The following TMTC2 variants were observed in gnomAD, a reference collection of about 807,000 sequenced individuals.
TMTC2 encodes the protein transmembrane O-mannosyltransferase targeting cadherins 2.
In TMTC2, 43 loss-of-function variants were observed where a neutral mutation model predicts 82.4. The observed-to-expected ratio is 0.52, with a 90% CI of 0.41 to 0.67. The LOEUF (loss-of-function observed/expected upper bound fraction) is 0.67. Ranked by LOEUF, TMTC2 falls within the 30% of genes least tolerant of loss-of-function variation. The probability of loss-of-function intolerance (pLI) is 0.00; values close to 1 mark genes in which losing one functional copy is unlikely to be tolerated. For missense variants in TMTC2, 919 were observed against 1,012.4 expected, an observed-to-expected ratio of 0.91 and a Z score of 1.25; for synonymous variants, 408 against 381.9, an observed-to-expected ratio of 1.07 and a Z score of -0.80.
intron 1 of TMTC2, among the ~76,000 whole-genome samples, chr12:82,834,000 A>G (rs1308341974): frequency 6.6e-6 from 1 of 152,236 alleles, no homozygotes; most frequent in Non-Finnish European, 1.5e-5. Context: ...TTAAGAAGTT[A>G]TAACTGTTTA....
chr12:82,958,206 T>C (rs1877715660), intron 4 of TMTC2, among the ~76,000 whole-genome samples: 1 of 151,460 alleles, frequency 6.6e-6, no homozygotes, highest in Admixed American at 6.6e-5. Flanking sequence ...CTACTAAAAA[T>C]CAAAAAGTTT....
intron 4 of TMTC2, among the ~76,000 whole-genome samples, chr12:82,940,348 T>C (rs1876644547): frequency 6.6e-6 from 1 of 152,148 alleles, no homozygotes. Context: ...TCTTTCAATT[T>C]TCAAGATTTA....
chr12:82,704,651 G>A (rs1008139464), intron 1 of TMTC2, among the ~76,000 whole-genome samples: 2 of 150,566 alleles, frequency 1.3e-5, no homozygotes, highest in Non-Finnish European at 1.5e-5. Flanking sequence ...TTTTTTTTTG[G>A]TAAAATAGTA....
At chr12:83,064,627 G>A (rs1383732822) in intron 11 of TMTC2, among the ~76,000 whole-genome samples, 1 of 151,756 alleles carries the variant, frequency 6.6e-6, no homozygotes, top group Admixed American at 6.6e-5. Context: ...ATACAACCAT[G>A]GCAATAATAT....
intron 1 of TMTC2, among the ~76,000 whole-genome samples, chr12:82,720,444 T>C (rs1256589145): frequency 6.6e-6 from 1 of 152,182 alleles, no homozygotes; most frequent in East Asian, 1.9e-4. Context: ...ATATTAAACA[T>C]TTTATATTAA....
At chr12:82,781,355 G>C (rs536078006) in intron 1 of TMTC2, among the ~76,000 whole-genome samples, 21 of 151,146 alleles carry the variant, frequency 1.4e-4, no homozygotes, top group African/African-American at 4.4e-4. Flanking sequence ...TTAAGAAAAG[G>C]GTTCTTTGTC....
At chr12:82,729,039 C>T (rs952687220) in intron 1 of TMTC2, among the ~76,000 whole-genome samples, 1 of 152,228 alleles carries the variant, frequency 6.6e-6, no homozygotes, top group Non-Finnish European at 1.5e-5. Flanking sequence ...GCCCGAGCCT[C>T]CCCGACGAGC....
intron 7 of TMTC2, among the ~76,000 whole-genome samples, chr12:82,967,803 C>G (rs1366588850): frequency 2.0e-5 from 3 of 152,014 alleles, no homozygotes; most frequent in Non-Finnish European, 4.4e-5. Context: ...ATTGTAAAGT[C>G]AAATTTTCCC....
chr12:82,739,423 C>T (rs549525985), intron 1 of TMTC2, among the ~76,000 whole-genome samples: 3 of 151,936 alleles, frequency 2.0e-5, no homozygotes, highest in South Asian at 2.1e-4. Context: ...TTCCTGTTTC[C>T]CACTGCCTGA....
At chr12:82,711,070 C>T (rs936808038) in intron 1 of TMTC2, among the ~76,000 whole-genome samples, 2 of 152,140 alleles carry the variant, frequency 1.3e-5, no homozygotes, top group Non-Finnish European at 2.9e-5. Flanking sequence ...ATGCAAGCTT[C>T]TGGTAAGACA....
intron 4 of TMTC2, among the ~76,000 whole-genome samples, chr12:82,955,592 A>C (rs1240788830): frequency 6.6e-6 from 1 of 152,194 alleles, no homozygotes; most frequent in Non-Finnish European, 1.5e-5. Flanking sequence ...AGGGGAAAAA[A>C]AGAGCTAAAA....
chr12:83,100,700 G>T (rs572934244), intron 11 of TMTC2, among the ~76,000 whole-genome samples: 1 of 152,108 alleles, frequency 6.6e-6, no homozygotes, highest in African/African-American at 2.4e-5. Flanking sequence ...CTTGGGAGAA[G>T]TCTTGTTGTA....
intron 1 of TMTC2, among the ~76,000 whole-genome samples, chr12:82,738,974 C>A (rs1319170980): frequency 6.6e-6 from 1 of 151,792 alleles, no homozygotes; most frequent in Non-Finnish European, 1.5e-5. Context: ...AGGATGAAAG[C>A]CTATCTCTAC....
chr12:83,090,117 A>G (rs565466719), intron 11 of TMTC2, among the ~76,000 whole-genome samples: 10 of 152,320 alleles, frequency 6.6e-5, no homozygotes, highest in Admixed American at 2.0e-4. Context: ...GAGATTGTTA[A>G]CTGTAGTTTG....
intron 1 of TMTC2, among the ~76,000 whole-genome samples, chr12:82,774,220 T>A (rs542295887): frequency 6.6e-6 from 1 of 152,180 alleles, no homozygotes; most frequent in African/African-American, 2.4e-5. Flanking sequence ...TACACAAATG[T>A]ATATGTGTAT....
At position 82,988,939 on chromosome 12, in the gene TMTC2, A is replaced by T. The variant is rs529418750; in HGVS notation, c.2070+2893A>T. On this transcript the variant is annotated intron_variant, in intron 8 of 11. Transcript: ENST00000321196. ...CTTAAACATCAATGGGTAACCAAGG[A>T]TCATCAGTCATATCAGGAAAGACAC... Among the ~76,000 whole-genome samples, 12 of 150,206 alleles carry T rather than the reference A, an allele frequency of 8.0e-5. No homozygotes were observed. The South Asian group carries it at 2.6e-3, about 33-fold the overall frequency.
chr12:82,977,344 T>G (rs1234715413), intron 7 of TMTC2, among the ~76,000 whole-genome samples: 3 of 151,830 alleles, frequency 2.0e-5, no homozygotes, highest in Non-Finnish European at 2.9e-5. Context: ...TACTAGATAC[T>G]CAAATATTAG....
At chr12:82,906,091 T>A (rs1451485045) in intron 3 of TMTC2, among the ~76,000 whole-genome samples, 1 of 152,014 alleles carries the variant, frequency 6.6e-6, no homozygotes, top group Non-Finnish European at 1.5e-5. Flanking sequence ...AAGAAACAAG[T>A]ATGTTGTAGG....
At chr12:82,928,629 A>G (rs1592634049) in intron 3 of TMTC2, among the ~76,000 whole-genome samples, 1 of 152,188 alleles carries the variant, frequency 6.6e-6, no homozygotes, top group East Asian at 1.9e-4. Context: ...GAGGGGAGAA[A>G]AAGTTTGGAA....
Sources: gnomAD v4.1 joint callset for allele counts (sites outside exome capture counted in the v4.1 genomes callset) on GRCh38, gnomAD v4.1.1 for gene constraint, MANE v1.5 for transcripts, NCBI Gene and HGNC (gene_info 2026-07-23, HGNC 2026-07-21) for gene names.